USH2A: variants seen among roughly 807,000 people sequenced by gnomAD.
The protein encoded by USH2A is Usher syndrome 2A (autosomal recessive, mild).
In USH2A, 443 loss-of-function variants were observed where a neutral mutation model predicts 538.9. The ratio of observed to expected loss-of-function variants is 0.82; its 90% CI spans 0.76 to 0.89. The LOEUF (loss-of-function observed/expected upper bound fraction) is 0.89. USH2A is among the 40% of genes least tolerant of loss of function. The pLI, the probability that USH2A is intolerant of heterozygous loss-of-function variation, is 0.00. For missense variants in USH2A, 6,633 were observed against 6,324.8 expected (o/e 1.05, Z -1.65); for synonymous variants, 2,413 against 2,273.5 (o/e 1.06, Z -1.75).
intron 32 of USH2A, among the ~76,000 whole-genome samples, chr1:216,032,887 G>A (rs1020286118): frequency 2.6e-5 from 4 of 152,172 alleles, no homozygotes; most frequent in Non-Finnish European, 4.4e-5. Context: ...TTATTTCCCA[G>A]AGCCTTCAGA....
intron 21 of USH2A, among the ~76,000 whole-genome samples, chr1:216,108,451 T>G (rs977761742): frequency 7.2e-5 from 11 of 151,834 alleles, no homozygotes; most frequent in Non-Finnish European, 1.5e-5. Flanking sequence ...TGTGGCTATA[T>G]TATACTTATT....
At chr1:216,419,272 G>A (rs1477972395) in intron 2 of USH2A, among the ~76,000 whole-genome samples, 1 of 152,110 alleles carries the variant, frequency 6.6e-6, no homozygotes, top group African/African-American at 2.4e-5. Flanking sequence ...TGACCGTACA[G>A]TCCAACTGAG....
intron 11 of USH2A, among the ~76,000 whole-genome samples, chr1:216,260,603 T>C (rs901177487): frequency 6.6e-6 from 1 of 152,142 alleles, no homozygotes. Context: ...AGTGCCAAGG[T>C]TGAGAATCAT....
intron 35 of USH2A, among the ~76,000 whole-genome samples, chr1:215,985,228 T>A (rs1160956643): frequency 6.6e-6 from 1 of 152,172 alleles, no homozygotes; most frequent in Admixed American, 6.5e-5. Context: ...AAATGAAATA[T>A]CAAACAGTTA....
chr1:216,144,674 C>A (rs1457916848), intron 21 of USH2A, among the ~76,000 whole-genome samples: 1 of 152,108 alleles, frequency 6.6e-6, no homozygotes, highest in Non-Finnish European at 1.5e-5. Flanking sequence ...CCTACCTGAC[C>A]ACTGGGCAAC....
chr1:215,941,540 T>C (rs1428768185), intron 37 of USH2A, among the ~76,000 whole-genome samples: 1 of 152,150 alleles, frequency 6.6e-6, no homozygotes, highest in Non-Finnish European at 1.5e-5. Flanking sequence ...ACAAATATAC[T>C]CTCATAGAAA....
At chr1:216,311,228 C>T (rs1055508185) in intron 9 of USH2A, among the ~76,000 whole-genome samples, 2 of 152,168 alleles carry the variant, frequency 1.3e-5, no homozygotes, top group Admixed American at 1.3e-4. Flanking sequence ...AGGAATATGT[C>T]TCCCTTTAGG....
chr1:216,370,177 G>A (rs1249231010), intron 3 of USH2A, among the ~76,000 whole-genome samples: 3 of 151,886 alleles, frequency 2.0e-5, no homozygotes, highest in East Asian at 2.0e-4. Context: ...TGGCCAACAT[G>A]GCGAAACTCC....
intron 4 of USH2A, among the ~76,000 whole-genome samples, chr1:216,333,064 A>AAAAAC (rs1374774480): frequency 2.0e-5 from 3 of 152,128 alleles, no homozygotes; most frequent in Non-Finnish European, 4.4e-5. Flanking sequence ...TCAAATAACT[A>AAAAAC]AAAACAAAAC....
chr1:216,126,387 C>T (rs1386777303), intron 21 of USH2A, among the ~76,000 whole-genome samples: 1 of 152,032 alleles, frequency 6.6e-6, no homozygotes, highest in East Asian at 1.9e-4. Context: ...CTATGCCTGG[C>T]TAATTTTTTG....
intron 3 of USH2A, among the ~76,000 whole-genome samples, chr1:216,386,019 A>C (rs2038997704): frequency 6.6e-6 from 1 of 152,200 alleles, no homozygotes; most frequent in Non-Finnish European, 1.5e-5. Context: ...TGTTACAGTC[A>C]TTAGTGTTTA....
In USH2A at chr1:215,649,877, T is replaced by A. The variant is rs1271567305; in HGVS notation, c.14343+715A>T. On this transcript the variant is annotated intron_variant, in intron 65 of 71. Coordinates refer to ENST00000307340, the MANE Select transcript of USH2A (RefSeq NM_206933.4). ...TATACCACAGAGACAAGAGTCTTCATCGTGCTGGCTGCTGGTATCTTCATT... is the reference window on the plus strand; with the variant it reads ...TATACCACAGAGACAAGAGTCTTCAACGTGCTGGCTGCTGGTATCTTCATT... 2.6e-5 allele frequency among the ~76,000 whole-genome samples: 4 copies of A among 152,232 alleles called. No homozygotes were observed. In the East Asian group the frequency reaches 5.8e-4, roughly 22 times the overall value.
chr1:216,388,125 C>T (rs1241554883), intron 3 of USH2A, among the ~76,000 whole-genome samples: 1 of 152,182 alleles, frequency 6.6e-6, no homozygotes, highest in African/African-American at 2.4e-5. Flanking sequence ...AACAGACTTC[C>T]ATACATTTCA....
chr1:216,203,426 TTCTC>T (rs1202509288), intron 16 of USH2A, among the ~76,000 whole-genome samples: 2 of 151,960 alleles, frequency 1.3e-5, no homozygotes, highest in African/African-American at 4.8e-5. Flanking sequence ...AATATGGTCT[TTCTC>T]TCTCTCTCAA....
rs575174180 is a variant in USH2A at position 216,392,664 on chromosome 1, T to TA, written c.651+25849dup. Among the ~76,000 whole-genome samples the TA allele has an allele frequency of 1.5e-3, 235 of 152,012 alleles. 1 individual carries two copies. The highest frequency in any genetic ancestry group is 6.9e-3 in the Middle Eastern group (2 of 290). On this transcript the variant is annotated intron_variant, in intron 3 of 71. Coordinates refer to ENST00000307340, the MANE Select transcript of USH2A (RefSeq NM_206933.4). ...AAACTGTGATACAATGCTGTTTTTTTAAAAAAAAGTGAGCAGACAAAATTA... is the reference window on the plus strand; with the variant it reads ...AAACTGTGATACAATGCTGTTTTTTTAAAAAAAAAGTGAGCAGACAAAATTA...
chr1:215,747,691 T>C (rs1480781139), intron 58 of USH2A, among the ~76,000 whole-genome samples: 6 of 152,154 alleles, frequency 3.9e-5, no homozygotes, highest in African/African-American at 1.4e-4. Flanking sequence ...ACCCTCTCAG[T>C]TTGCAATTTG....
chr1:216,321,680 C>A (rs1001208612), intron 9 of USH2A, among the ~76,000 whole-genome samples: 14 of 152,118 alleles, frequency 9.2e-5, no homozygotes, highest in Non-Finnish European at 1.6e-4. Flanking sequence ...ATTTCTCTGG[C>A]TGAAATTATT....
chr1:216,140,112 TTTC>T (rs1289866973), intron 21 of USH2A, among the ~76,000 whole-genome samples: 2 of 152,186 alleles, frequency 1.3e-5, no homozygotes, highest in African/African-American at 4.8e-5. Context: ...ACAATTTGAC[TTTC>T]TTAATATGAG....
At chr1:215,837,372 A>G (rs542015412) in intron 47 of USH2A, among the ~76,000 whole-genome samples, 4 of 152,290 alleles carry the variant, frequency 2.6e-5, no homozygotes, top group East Asian at 1.9e-4. Context: ...TCAACTTGAT[A>G]CAAACGGATG....
Sources: gnomAD v4.1 joint callset for allele counts (sites outside exome capture counted in the v4.1 genomes callset) on GRCh38, gnomAD v4.1.1 for gene constraint, MANE v1.5 for transcripts, NCBI Gene and HGNC (gene_info 2026-07-23, HGNC 2026-07-21) for gene names.